ZNF469: variants seen among roughly 807,000 people sequenced by gnomAD.
ZNF469 encodes zinc finger protein 469.
A neutral mutation model predicts 1.0 loss-of-function variants in ZNF469; 1 was observed. The ratio of observed to expected loss-of-function variants is 1.00; its 90% CI spans 0.35 to 4.73. ZNF469 has a LOEUF of 4.73. Among genes scored for constraint, ZNF469 ranks in the 30% most tolerant of loss-of-function variants. The pLI is 0.16. For missense variants in ZNF469, 6,100 were observed against 5,356.3 expected, an observed-to-expected ratio of 1.14 and a Z score of -4.33; for synonymous variants, 2,703 against 2,363.4, an observed-to-expected ratio of 1.14 and a Z score of -4.17.
chr16:88,102,298 C>T, the ZNF469 span, among the ~76,000 whole-genome samples: 1 of 152,166 alleles, frequency 6.6e-6, no homozygotes, highest in East Asian at 1.9e-4. Flanking sequence ...GGGTGGATCA[C>T]CTGAGGTCAG....
At chr16:88,196,597 A>G in the ZNF469 span, among the ~76,000 whole-genome samples, 1 of 152,180 alleles carries the variant, frequency 6.6e-6, no homozygotes, top group Non-Finnish European at 1.5e-5. Flanking sequence ...AGTGACCACC[A>G]AAAATAGCTG....
chr16:88,184,879 C>G, the ZNF469 span, among the ~76,000 whole-genome samples: 1 of 152,242 alleles, frequency 6.6e-6, no homozygotes, highest in African/African-American at 2.4e-5. Flanking sequence ...CAGACACGGA[C>G]TCACATAAAT....
the ZNF469 span, among the ~76,000 whole-genome samples, chr16:88,103,545 G>A: frequency 0.12 from 18,788 of 152,154 alleles, 1,508 homozygotes; most frequent in East Asian, 0.33. Context: ...TGTCCCCCCC[G>A]AATCTCCCCC....
At chr16:88,357,398 C>T in the ZNF469 span, among the ~76,000 whole-genome samples, 38 of 152,328 alleles carry the variant, frequency 2.5e-4, no homozygotes, top group African/African-American at 7.7e-4. Flanking sequence ...GCGTTGACCC[C>T]CAGACCCTGG....
chr16:88,381,631 G>C (rs1027102110), upstream of ZNF469, among the ~76,000 whole-genome samples: 1 of 152,234 alleles, frequency 6.6e-6, no homozygotes, highest in African/African-American at 2.4e-5. Context: ...CATGGAAAGG[G>C]AGATCCCAGG....
the ZNF469 span, among the ~76,000 whole-genome samples, chr16:88,336,542 G>A: frequency 6.9e-6 from 1 of 144,932 alleles, no homozygotes; most frequent in African/African-American, 2.6e-5. Context: ...GTGAGACACT[G>A]ATGTGCCAAT....
the ZNF469 span, among the ~76,000 whole-genome samples, chr16:88,149,381 G>A: frequency 2.7e-4 from 41 of 152,076 alleles, no homozygotes; most frequent in Middle Eastern, 3.2e-3. Flanking sequence ...CCGTCCAGCC[G>A]CCCCTTATCT....
At chr16:88,284,467 A>G in the ZNF469 span, among the ~76,000 whole-genome samples, 1 of 152,082 alleles carries the variant, frequency 6.6e-6, no homozygotes, top group Non-Finnish European at 1.5e-5. Context: ...AAATAAATAC[A>G]TAAAATTAGC....
chr16:88,131,254 A>G, the ZNF469 span, among the ~76,000 whole-genome samples: 24,602 of 151,958 alleles, frequency 0.16, 2,429 homozygotes, highest in East Asian at 0.48. Context: ...TGCTTTTCTC[A>G]GCCAGGGACT....
chr16:88,359,793 C>T, the ZNF469 span, among the ~76,000 whole-genome samples: 213 of 152,228 alleles, frequency 1.4e-3, 1 homozygote, highest in African/African-American at 4.6e-3. Flanking sequence ...CTAGAAAGCT[C>T]GAAAGAATTC....
intron 1 of ZNF469, among the ~76,000 whole-genome samples, chr16:88,422,837 G>A (rs1205530542): frequency 1.3e-5 from 2 of 149,758 alleles, no homozygotes; most frequent in Non-Finnish European, 3.0e-5. Context: ...GGTGATGGAT[G>A]GGTGGATGGA....
At chr16:88,395,608 T>A (rs1410827466) in intron 1 of ZNF469, among the ~76,000 whole-genome samples, 1 of 152,036 alleles carries the variant, frequency 6.6e-6, no homozygotes, top group Non-Finnish European at 1.5e-5. Context: ...GTGTCAGGGA[T>A]CCTCATGGAA....
upstream of ZNF469, among the ~76,000 whole-genome samples, chr16:88,381,172 A>C (rs1444745930): frequency 7.0e-6 from 1 of 142,954 alleles, no homozygotes; most frequent in Non-Finnish European, 1.5e-5. Context: ...ACGCCCTCAC[A>C]CACAGACATG....
chr16:88,402,077 T>C (rs1318140132), intron 1 of ZNF469, among the ~76,000 whole-genome samples: 4 of 136,276 alleles, frequency 2.9e-5, no homozygotes, highest in Non-Finnish European at 6.3e-5. Flanking sequence ...GATGGATAGA[T>C]GGTAGATGGA....
the ZNF469 span, among the ~76,000 whole-genome samples, chr16:88,154,826 A>G: frequency 6.6e-6 from 1 of 152,150 alleles, no homozygotes; most frequent in Non-Finnish European, 1.5e-5. Context: ...AGTGGCACGG[A>G]CGGGATTTAA....
At chr16:88,229,944 G>A in the ZNF469 span, among the ~76,000 whole-genome samples, 2,372 of 152,290 alleles carry the variant, frequency 0.016, 61 homozygotes, top group African/African-American at 0.055. Context: ...CTGTTCTGGA[G>A]GACTCTGTGC....
chr16:88,430,349 C>T lies in ZNF469; in HGVS notation c.2879C>T (p.Ser960Leu). 2.0e-6 allele frequency: 3 copies of T among 1,513,158 alleles called. No individual in the cohort carries two copies. Among genetic ancestry groups the T allele is most frequent in the South Asian group, 1.2e-5 (1 of 80,652 alleles). The allele number at this position is 1,513,158 out of a possible 1,614,324, so 93.7% of individuals were successfully genotyped here. A position where few individuals can be genotyped will look rare whatever the true frequency, so the allele number is the denominator to read the frequency against. Residue 960 changes from serine (S) to leucine (L), a missense_variant, in exon 3 of 3, where the codon TCG becomes TTG. Ser to Leu is a moderately radical substitution (Grantham distance 145). Coordinates refer to ENST00000565624, the MANE Select transcript of ZNF469 (RefSeq NM_001367624.2). ...QLKLFRKDLD[S>L]GGAAEGSGSG... is the part of the protein sequence containing the mutation. ...AAGCTGTTCCGGAAGGATCTGGACT[C>T]GGGCGGCGCAGCAGAGGGGTCGGGG...
At chr16:88,135,748 GTTTT>G in the ZNF469 span, among the ~76,000 whole-genome samples, 2,914 of 66,870 alleles carry the variant, frequency 0.044, 583 homozygotes, top group African/African-American at 0.13. Flanking sequence ...AGCTGGCCAT[GTTTT>G]TTTTTTTTTT....
Position 88,429,885 on chromosome 16 carries a change from C to T in ZNF469, c.2415C>T (p.Ala805=), listed in dbSNP as rs961899310. ...KTFLLAGDAQ[A]EGKDDPLRTG... is the part of the protein sequence containing the mutation. ...TCCTGTTAGCTGGGGACGCCCAGGC[C>T]GAGGGCAAAGACGACCCCCTGAGGA... The change falls in exon 3 of 3, where the codon GCC becomes GCT. Residue 805 remains alanine (A), a synonymous_variant. Transcript: ENST00000565624. The T allele has an allele frequency of 6.5e-6, 10 of 1,550,108 alleles. No individual in the cohort carries two copies. The highest frequency in any genetic ancestry group is 4.1e-5 in the African/African-American group (3 of 73,048).
Sources: allele counts gnomAD v4.1 joint callset (sites outside exome capture counted in the v4.1 genomes callset), GRCh38; gene constraint gnomAD v4.1.1; transcripts MANE v1.5; gene names NCBI Gene and HGNC (gene_info 2026-07-23, HGNC 2026-07-21).